BBOF1: variants seen among roughly 807,000 people sequenced by gnomAD.
BBOF1 encodes the protein basal body orientation factor 1.
Under a neutral mutation model 68.0 loss-of-function variants are expected in BBOF1, and 62 were observed. That is an observed-to-expected ratio of 0.91 (90% CI 0.74 to 1.13). BBOF1 has a LOEUF of 1.13. BBOF1 is among the 50% of genes most tolerant of loss of function. The pLI is 0.00. For missense variants in BBOF1, 534 were observed against 600.1 expected, an observed-to-expected ratio of 0.89 and a Z score of 1.15; for synonymous variants, 208 against 198.8, an observed-to-expected ratio of 1.05 and a Z score of -0.39.
chr14:74,056,419 C>T (rs1213671827), intron 9 of BBOF1, among the ~76,000 whole-genome samples: 2 of 151,796 alleles, frequency 1.3e-5, no homozygotes, highest in South Asian at 4.2e-4. Flanking sequence ...AGGCTGGTCT[C>T]GAACTCCTGA....
intron 11 of BBOF1, chr14:74,060,455 T>A (rs780154266): frequency 1.5e-5 from 9 of 607,668 alleles, no homozygotes; most frequent in Non-Finnish European, 2.4e-5. Context: ...AAGTGAGAAA[T>A]CTGGTTTCAT....
Position 74,060,528 on chromosome 14 carries a change from A to G in BBOF1, c.1578+3270A>G, listed in dbSNP as rs1323094795. 7.2e-6 allele frequency: 6 copies of G among 828,622 alleles called. No individual in the cohort carries two copies. The Admixed American group carries it at 1.1e-4, about 16-fold the overall frequency. The allele number at this position is 828,622 out of a possible 1,614,324, so 51.3% of individuals were successfully genotyped here. ...GGTTAATAGTCCTGAGGAAGATTTT[A>G]GTTACAATGTATTCCAATCCCATCG... On this transcript the variant is annotated intron_variant, in intron 11 of 11. Transcript: ENST00000394009.
chr14:74,068,861 A>C, downstream of BBOF1: 1 of 1,614,050 alleles, frequency 6.2e-7, no homozygotes, highest in Middle Eastern at 1.6e-4. Context: ...AGAAGTCACC[A>C]TATTGGCTTG....
rs769979794 is a variant in BBOF1, at chr14:74,049,807, A to G, written c.898A>G (p.Ser300Gly). The change falls in exon 8 of 12, where the codon AGT becomes GGT. Residue 300 changes from serine to glycine, a missense_variant. Coordinates refer to ENST00000394009, the MANE Select transcript of BBOF1 (RefSeq NM_025057.3). ...GGTAGTAAACTTGGAGACTGCTCTG[A>G]GTTACATGACCAAAGAGTTTGAGAG... is the stretch of plus-strand genomic sequence containing the variant. ...KKVVNLETAL[S>G]YMTKEFESEV... 8 of 1,614,068 alleles carry G rather than the reference A, an allele frequency of 5.0e-6. No individual in the cohort carries two copies. In the East Asian group the frequency reaches 1.6e-4, roughly 31 times the overall value.
At chr14:74,074,368 C>T (rs1366612054) in intron 9 of BBOF1, among the ~76,000 whole-genome samples, 1 of 150,968 alleles carries the variant, frequency 6.6e-6, no homozygotes, top group Non-Finnish European at 1.5e-5. Flanking sequence ...CTCACTGCAA[C>T]CTCCGCCTCC....
intron 4 of BBOF1, among the ~76,000 whole-genome samples, chr14:74,037,598 T>G (rs968644602): frequency 6.6e-6 from 1 of 151,320 alleles, no homozygotes; most frequent in African/African-American, 2.4e-5. Context: ...CCACCTGTCT[T>G]TCAAAGGCTC....
At chr14:74,052,740 T>C (rs1225430285) in intron 8 of BBOF1, among the ~76,000 whole-genome samples, 1 of 152,066 alleles carries the variant, frequency 6.6e-6, no homozygotes, top group Admixed American at 6.6e-5. Context: ...CTCATGCCTG[T>C]AATTCCAGCA....
rs183669841 is a variant in BBOF1 at position 74,051,365 on chromosome 14, A to T, written c.1286+1170A>T. On this transcript the variant is annotated intron_variant, in intron 8 of 11. Coordinates refer to ENST00000394009, the MANE Select transcript of BBOF1 (RefSeq NM_025057.3). ...GAGGCAGAGGTTGCAGTGAGCCAAGATTGCATCACTGCACTCCAGCCTGGG... is the reference window on the plus strand; with the variant it reads ...GAGGCAGAGGTTGCAGTGAGCCAAGTTTGCATCACTGCACTCCAGCCTGGG... Among the ~76,000 whole-genome samples, 835 of 151,822 alleles carry T rather than the reference A, an allele frequency of 5.5e-3. 7 individuals are homozygous for T. The highest frequency in any genetic ancestry group is 7.2e-3 in the Non-Finnish European group (487 of 68,026).
downstream of BBOF1, chr14:74,066,567 A>G (rs1482468215): frequency 5.5e-6 from 5 of 914,052 alleles, no homozygotes; most frequent in East Asian, 7.9e-5. Flanking sequence ...TTCAGACTCC[A>G]GATAAAATAA....
At chr14:74,038,820 G>A (rs183410385) in intron 4 of BBOF1, among the ~76,000 whole-genome samples, 51 of 152,052 alleles carry the variant, frequency 3.4e-4, no homozygotes, top group African/African-American at 1.2e-3. Flanking sequence ...CCTAGGCAAC[G>A]TGGCAGAACA....
At chr14:74,076,322 C>T (rs1421181434) in intron 9 of BBOF1, among the ~76,000 whole-genome samples, 2 of 152,104 alleles carry the variant, frequency 1.3e-5, no homozygotes, top group Non-Finnish European at 2.9e-5. Context: ...AACAAGATAA[C>T]TCTCAAATTG....
downstream of BBOF1, chr14:74,069,001 G>T (rs769194962): frequency 6.2e-7 from 1 of 1,609,856 alleles, no homozygotes; most frequent in African/African-American, 1.3e-5. Flanking sequence ...GAAAATAAAT[G>T]ATCACTCACA....
intron 8 of BBOF1, among the ~76,000 whole-genome samples, chr14:74,051,489 G>A (rs1337500830): frequency 1.3e-5 from 2 of 151,704 alleles, no homozygotes; most frequent in African/African-American, 4.9e-5. Context: ...CCATGGATTG[G>A]AGGACAATCA....
intron 3 of BBOF1, among the ~76,000 whole-genome samples, chr14:74,029,682 CAAA>C (rs1179777105): frequency 9.6e-6 from 1 of 104,374 alleles, no homozygotes; most frequent in African/African-American, 3.5e-5. Flanking sequence ...AACTTCATCT[CAAA>C]AAAAAAAAAA....
chr14:74,061,037 G>C (rs927796981), intron 11 of BBOF1, among the ~76,000 whole-genome samples: 1 of 152,050 alleles, frequency 6.6e-6, no homozygotes, highest in Non-Finnish European at 1.5e-5. Context: ...GAGTGCAGTG[G>C]CATGATCTCA....
intron 11 of BBOF1, chr14:74,057,803 T>G: frequency 9.6e-7 from 1 of 1,040,064 alleles, no homozygotes; most frequent in South Asian, 3.3e-5. Flanking sequence ...ATATAACTGA[T>G]GAGTTTTTTT....
In BBOF1 at chr14:74,064,703, G is replaced by A; in HGVS notation, c.*4G>A. 6.2e-7 allele frequency: 1 copy of A among 1,614,060 alleles called. No homozygotes were observed. The highest frequency in any genetic ancestry group is 8.5e-7 in the Non-Finnish European group (1 of 1,179,948). On this transcript the variant is annotated 3_prime_UTR_variant, in exon 12 of 12. Coordinates refer to ENST00000394009, the MANE Select transcript of BBOF1 (RefSeq NM_025057.3). ...TCTTTTTTAGGGAACCTTCTGAGAA[G>A]CACTGATTATGACCTCACAGATGCT...
At chr14:74,047,753 A>G (rs914650743) in intron 6 of BBOF1, among the ~76,000 whole-genome samples, 177 bp from the exon 7 acceptor site, 3 of 152,026 alleles carry the variant, frequency 2.0e-5, no homozygotes, top group African/African-American at 7.2e-5. Flanking sequence ...TCACTTTTTT[A>G]TTGGGTGAAA....
intron 11 of BBOF1, among the ~76,000 whole-genome samples, chr14:74,062,459 G>C (rs1274973683): frequency 6.6e-6 from 1 of 151,980 alleles, no homozygotes; most frequent in Admixed American, 6.6e-5. Flanking sequence ...AAAATTGGCG[G>C]GTGTGGTGGC....
Sources: allele counts gnomAD v4.1 joint callset (sites outside exome capture counted in the v4.1 genomes callset), GRCh38; gene constraint gnomAD v4.1.1; transcripts MANE v1.5; gene names NCBI Gene and HGNC (gene_info 2026-07-23, HGNC 2026-07-21).